The following ANXA5 variants were observed in gnomAD, a reference collection of about 807,000 sequenced individuals.
The protein encoded by ANXA5 is annexin A5, also known as CBP-I.
In ANXA5, 40 loss-of-function variants were observed where a neutral mutation model predicts 48.1. That is an observed-to-expected ratio of 0.83 (90% CI 0.65 to 1.08). The LOEUF (loss-of-function observed/expected upper bound fraction) is 1.08, where lower values mean the gene tolerates loss of function less well. ANXA5 is among the 50% of genes least tolerant of loss of function. ANXA5 has a pLI of 0.00. For missense variants in ANXA5, 357 were observed against 376.8 expected (o/e 0.95, Z 0.44); for synonymous variants, 113 against 129.1 (o/e 0.88, Z 0.85).
At chr4:121,678,315 C>A in intron 7 of ANXA5, 100 bp downstream of exon 7, 2 of 968,920 alleles carry the variant, frequency 2.1e-6, no homozygotes, top group South Asian at 1.5e-5. Context: ...GCAAGTACCA[C>A]AAATTATTAA....
rs926959704 is a variant in ANXA5 at position 121,690,104 on chromosome 4, G to A, written c.10-3732C>T. Among the ~76,000 whole-genome samples, 3 of 152,316 alleles carry A rather than the reference G, an allele frequency of 2.0e-5. No individual in the cohort carries two copies. In the Middle Eastern group the frequency reaches 0.01, roughly 518 times the overall value. On this transcript the variant is annotated intron_variant, in intron 2 of 12. Transcript: ENST00000296511. ...TGGCAGCTAGTATCTGCTGAGTGCA[G>A]CAATGCACCAGGCACCGTGCACAGA...
At chr4:121,686,499 T>G in intron 2 of ANXA5, 127 bp from the exon 3 acceptor site, 1 of 718,544 alleles carries the variant, frequency 1.4e-6, no homozygotes, top group East Asian at 2.7e-5. Context: ...TTGATAAGAT[T>G]TGTGACCCCT....
intron 12 of ANXA5, 107 bp downstream of exon 12, chr4:121,669,495 A>G (rs1560822885): frequency 7.1e-7 from 1 of 1,411,890 alleles, no homozygotes; most frequent in Non-Finnish European, 9.7e-7. Context: ...CGTGTCACTA[A>G]AATTTTAAAC....
At chr4:121,694,152 T>A (rs10006900) in intron 2 of ANXA5, among the ~76,000 whole-genome samples, 74,765 of 141,316 alleles carry the variant, frequency 0.53, 21,157 homozygotes, top group African/African-American at 0.69. Context: ...AATGTAAATA[T>A]TGAGTTAATG....
chr4:121,669,414 GC>G, intron 12 of ANXA5, 187 bp downstream of exon 12: 1 of 688,668 alleles, frequency 1.5e-6, no homozygotes, highest in South Asian at 1.9e-5. Context: ...CAATACCCAT[GC>G]TTTCACTTGG....
chr4:121,696,735 C>G, intron 1 of ANXA5, 111 bp from the exon 2 acceptor site: 1 of 615,622 alleles, frequency 1.6e-6, no homozygotes, highest in Non-Finnish European at 2.4e-6. Context: ...AGGGCCCCGC[C>G]ACGGGGCCGA....
At chr4:121,696,792 G>A (rs1578452648) in intron 1 of ANXA5, 71 bp downstream of exon 1, 2 of 400,182 alleles carry the variant, frequency 5.0e-6, no homozygotes, top group East Asian at 7.4e-5. Flanking sequence ...GAGCGTCCGC[G>A]CGAATCCAGT....
chr4:121,686,999 G>A (rs996267812), intron 2 of ANXA5, among the ~76,000 whole-genome samples: 2 of 151,900 alleles, frequency 1.3e-5, no homozygotes, highest in African/African-American at 2.4e-5. Flanking sequence ...AAATATCTTC[G>A]TATTTCAAAA....
chr4:121,682,997 G>A (rs1308716606), intron 5 of ANXA5, among the ~76,000 whole-genome samples: 3 of 152,036 alleles, frequency 2.0e-5, no homozygotes, highest in African/African-American at 4.8e-5. Flanking sequence ...CTAAAATGAT[G>A]AGCAATATTA....
intron 9 of ANXA5, among the ~76,000 whole-genome samples, chr4:121,672,252 GC>G (rs1724625172): frequency 6.6e-6 from 1 of 152,186 alleles, no homozygotes; most frequent in Non-Finnish European, 1.5e-5. Flanking sequence ...CGTGTAGTGA[GC>G]CACTATTCAG....
Position 121,694,395 on chromosome 4 carries a change from C to CA in ANXA5, c.9+2185_9+2186insT, listed in dbSNP as rs1389489514. ...CGCCGCACCCAACTTTAATACTAAA[C>CA]TTTTTTTTTGAGACGTAGTCTCACT... is the stretch of plus-strand genomic sequence containing the variant. On this transcript the variant is annotated intron_variant, in intron 2 of 12. Coordinates refer to ENST00000296511, the MANE Select transcript of ANXA5 (RefSeq NM_001154.4). Among the ~76,000 whole-genome samples, 7 of 151,386 alleles carry CA rather than the reference C, an allele frequency of 4.6e-5. No individual in the cohort carries two copies. In the East Asian group the frequency reaches 9.6e-4, roughly 21 times the overall value.
intron 3 of ANXA5, among the ~76,000 whole-genome samples, chr4:121,686,028 GC>G (rs1407517248): frequency 6.3e-4 from 30 of 47,502 alleles, no homozygotes; most frequent in Admixed American, 5.7e-3. Context: ...AAATTTTTTT[GC>G]TTTTTTTTTT....
chr4:121,695,674 G>A (rs1020909652), intron 2 of ANXA5, among the ~76,000 whole-genome samples: 1 of 152,050 alleles, frequency 6.6e-6, no homozygotes, highest in Admixed American at 6.5e-5. Context: ...AGGCCGAGGC[G>A]GGAGGATCAC....
chr4:121,681,118 A>AT (rs1358409636), intron 6 of ANXA5, among the ~76,000 whole-genome samples: 4 of 152,196 alleles, frequency 2.6e-5, no homozygotes, highest in Non-Finnish European at 5.9e-5. Context: ...TTCATGAGAC[A>AT]TATTTTAGGC....
At chr4:121,686,029 C>CTTTTT (rs60663589) in intron 3 of ANXA5, among the ~76,000 whole-genome samples, 7 of 140,360 alleles carry the variant, frequency 5.0e-5, no homozygotes, top group African/African-American at 1.3e-4. Context: ...AATTTTTTTG[C>CTTTTT]TTTTTTTTTT....
At position 121,696,866 on chromosome 4, in the gene ANXA5, G is replaced by A; in HGVS notation, c.-39C>T. The A allele has an allele frequency of 3.0e-6, 1 of 334,606 alleles. No individual in the cohort carries two copies. The highest frequency in any genetic ancestry group is 5.4e-6 in the Non-Finnish European group (1 of 185,138). 20.7% of individuals were successfully genotyped at this position (334,606 alleles called of 1,614,324 possible). ...TCCCCGGGCTGCGACCACTCACCCA[G>A]ACTGTGGGACCCAAGTGCCCCGAAA... On this transcript the variant is annotated 5_prime_UTR_variant, in exon 1 of 13. Transcript: ENST00000296511.
At chr4:121,677,751 T>A (rs1418068767) in intron 8 of ANXA5, 143 bp downstream of exon 8, 1 of 697,290 alleles carries the variant, frequency 1.4e-6, no homozygotes, top group African/African-American at 1.8e-5. Flanking sequence ...AAGCTACTTA[T>A]GTAGGTCTTA....
intron 3 of ANXA5, among the ~76,000 whole-genome samples, chr4:121,685,140 A>C (rs1724863974): frequency 6.6e-6 from 1 of 151,998 alleles, no homozygotes; most frequent in Non-Finnish European, 1.5e-5. Flanking sequence ...TTTATTAAAA[A>C]TTTACAATAT....
intron 2 of ANXA5, among the ~76,000 whole-genome samples, chr4:121,695,286 G>GT (rs1441148453): frequency 4.6e-5 from 7 of 152,214 alleles, no homozygotes; most frequent in Non-Finnish European, 8.8e-5. Context: ...AAAAGAGGAG[G>GT]TAAGAATGGG....
Sources: gnomAD v4.1 joint callset for allele counts (sites outside exome capture counted in the v4.1 genomes callset) on GRCh38, gnomAD v4.1.1 for gene constraint, MANE v1.5 for transcripts, NCBI Gene and HGNC (gene_info 2026-07-23, HGNC 2026-07-21) for gene names.